KNL1: variants seen among roughly 807,000 people sequenced by gnomAD.
KNL1 encodes the protein outer kinetochore KNL1 complex subunit KNL1.
In KNL1, 66 loss-of-function variants were observed where a neutral mutation model predicts 201.3. That is an observed-to-expected ratio of 0.33 (90% CI 0.27 to 0.40). The LOEUF (loss-of-function observed/expected upper bound fraction) is 0.40, where lower values mean the gene tolerates loss of function less well. KNL1 is among the 10% of genes least tolerant of loss of function. The pLI, the probability that KNL1 is intolerant of heterozygous loss-of-function variation, is 1.00. For missense variants in KNL1, 2,815 were observed against 2,690.5 expected (o/e 1.05, Z -1.02); for synonymous variants, 895 against 899.2 (o/e 1.00, Z 0.08).
Position 40,624,870 on chromosome 15 carries a change from C to A in KNL1, c.4606C>A (p.His1536Asn). 6.2e-7 allele frequency: 1 copy of A among 1,612,574 alleles called. No individual in the cohort carries two copies. Residue 1536 changes from histidine to asparagine, a missense_variant, in exon 10 of 26, where the codon CAT becomes AAT. Transcript: ENST00000399668. The stretch of plus-strand genomic sequence containing the variant: ...CGTAACTAAGCAAGTCATTCAAACT[C>A]ATGTCAATGCTGGAGAAGCACCAGA... ...SDVTKQVIQT[H>N]VNAGEAPDPV...
chr15:40,620,003 T>A (rs1232598319), intron 9 of KNL1, among the ~76,000 whole-genome samples: 1 of 151,980 alleles, frequency 6.6e-6, no homozygotes, highest in Non-Finnish European at 1.5e-5. Context: ...GATCCTAGCC[T>A]ATGACAGCTC....
At chr15:40,603,068 G>A in intron 2 of KNL1, 102 bp downstream of exon 2, 3 of 744,768 alleles carry the variant, frequency 4.0e-6, no homozygotes, top group Non-Finnish European at 4.4e-6. Context: ...TTTTTCCATT[G>A]TGTTCCAAGA....
intron 21 of KNL1, among the ~76,000 whole-genome samples, chr15:40,654,573 TAA>T (rs10626725): frequency 7.0e-5 from 10 of 143,404 alleles, no homozygotes; most frequent in Non-Finnish European, 6.1e-5. Flanking sequence ...TCAGGTAGTT[TAA>T]AAAAAAAAAA....
chr15:40,610,796 C>T (rs1054318781), intron 6 of KNL1: 1 of 455,608 alleles, frequency 2.2e-6, no homozygotes, highest in Non-Finnish European at 4.4e-6. Flanking sequence ...TGTTGTTCCC[C>T]AGGCTGCAGT....
At chr15:40,655,929 A>G (rs1451518566) in intron 22 of KNL1, among the ~76,000 whole-genome samples, 1 of 152,062 alleles carries the variant, frequency 6.6e-6, no homozygotes, top group Non-Finnish European at 1.5e-5. Flanking sequence ...AAAAAAAAAA[A>G]AAATTATTAC....
At chr15:40,605,955 C>A (rs1352076867) in intron 3 of KNL1, among the ~76,000 whole-genome samples, 1 of 152,184 alleles carries the variant, frequency 6.6e-6, no homozygotes, top group East Asian at 1.9e-4. Flanking sequence ...ACATCTAGCT[C>A]TTTTACTTCC....
Position 40,620,658 on chromosome 15 carries a change from A to C in KNL1, c.394A>C (p.Thr132Pro), listed in dbSNP as rs767241348. ...ATTATAGTTTTCAATTATAGAACAT[A>C]CCCGTGAAAGGAAACATGCAAATGA... ...QQKEFSIIEH[T>P]RERKHANDQT... is the part of the protein sequence containing the mutation. The change falls in exon 10 of 26, where the codon ACC becomes CCC. Residue 132 changes from threonine (T) to proline (P), a missense_variant. This residue lies in a region of KNL1 where 2,464 missense variants were observed against 2,291.7 expected (regional missense o/e 1.08). Transcript: ENST00000399668. The C allele has an allele frequency of 6.3e-7, 1 of 1,582,816 alleles. No individual in the cohort carries two copies. The highest frequency in any genetic ancestry group is 8.6e-7 in the Non-Finnish European group (1 of 1,168,922).
intron 1 of KNL1, among the ~76,000 whole-genome samples, chr15:40,595,263 C>G (rs2141688873): frequency 6.6e-6 from 1 of 152,256 alleles, no homozygotes; most frequent in South Asian, 2.1e-4. Flanking sequence ...AGGGAAATAA[C>G]TAATATACAC....
chr15:40,603,055 A>G (rs948165395), intron 2 of KNL1, 89 bp downstream of exon 2: 7 of 819,128 alleles, frequency 8.5e-6, no homozygotes, highest in South Asian at 1.6e-5. Flanking sequence ...AACTTCTGAG[A>G]TCTTTTTCCA....
chr15:40,645,238 C>G, intron 15 of KNL1, 151 bp downstream of exon 15: 1 of 523,426 alleles, frequency 1.9e-6, no homozygotes. Flanking sequence ...TTTAATTACA[C>G]ACAATTGTTA....
chr15:40,626,956 G>C (rs1436423638), intron 10 of KNL1, among the ~76,000 whole-genome samples: 1 of 152,168 alleles, frequency 6.6e-6, no homozygotes. Context: ...GCACAGTGGC[G>C]TGATCTCAGC....
At chr15:40,612,922 A>C (rs1296852412) in intron 7 of KNL1, among the ~76,000 whole-genome samples, 2 of 152,208 alleles carry the variant, frequency 1.3e-5, no homozygotes, top group East Asian at 3.8e-4. Context: ...TATCGTTCAG[A>C]ATTTTAAATG....
intron 15 of KNL1, among the ~76,000 whole-genome samples, chr15:40,645,385 A>G (rs1364518059): frequency 6.6e-6 from 1 of 152,246 alleles, no homozygotes; most frequent in Non-Finnish European, 1.5e-5. Flanking sequence ...TTGATTAAAT[A>G]GCAAGCAACC....
At chr15:40,614,439 G>A (rs1288270522) in intron 7 of KNL1, among the ~76,000 whole-genome samples, 1 of 151,780 alleles carries the variant, frequency 6.6e-6, no homozygotes, top group Non-Finnish European at 1.5e-5. Flanking sequence ...CACCATGTCG[G>A]CCAAGCTAGT....
chr15:40,643,558 T>C (rs1306653616), intron 14 of KNL1, among the ~76,000 whole-genome samples: 1 of 152,158 alleles, frequency 6.6e-6, no homozygotes, highest in Admixed American at 6.5e-5. Flanking sequence ...GGCAAGAGAA[T>C]TGCTTGAACC....
At chr15:40,641,608 T>C (rs1893230797) in intron 14 of KNL1, among the ~76,000 whole-genome samples, 1 of 152,214 alleles carries the variant, frequency 6.6e-6, no homozygotes. Flanking sequence ...TTGTTTAAAA[T>C]ATTGTATAAA....
intron 17 of KNL1, among the ~76,000 whole-genome samples, chr15:40,649,366 G>T (rs942140752): frequency 1.3e-5 from 2 of 151,872 alleles, no homozygotes; most frequent in Non-Finnish European, 2.9e-5. Flanking sequence ...CATGATCTCT[G>T]CTCACTGCAA....
intron 22 of KNL1, among the ~76,000 whole-genome samples, chr15:40,655,587 T>A (rs1893700493): frequency 2.2e-5 from 1 of 46,212 alleles, no homozygotes; most frequent in Non-Finnish European, 4.6e-5. Context: ...CAAGGCTCCA[T>A]CTCAAAAAAA....
chr15:40,623,236 C>T lies in KNL1; in HGVS notation c.2972C>T (p.Thr991Ile). 6.2e-7 allele frequency: 1 copy of T among 1,613,946 alleles called. No homozygotes were observed. The highest frequency in any genetic ancestry group is 1.1e-5 in the South Asian group (1 of 91,076). ...KSLGTPTVIC[T>I]PTEESVFFPG... ...CTAGGAACACCAACAGTGATATGTA[C>T]TCCTACTGAGGAGAGTGTTTTCTTT... Residue 991 changes from threonine to isoleucine, a missense_variant, in exon 10 of 26, where the codon ACT (threonine) becomes ATT (isoleucine). Around this residue, in one of 3 missense-constraint regions of KNL1, gnomAD observed 2,464 missense variants for 2,291.7 expected, o/e 1.08. Coordinates refer to ENST00000399668, the MANE Select transcript of KNL1 (RefSeq NM_144508.5).
Sources: gnomAD v4.1 joint callset for allele counts (sites outside exome capture counted in the v4.1 genomes callset) on GRCh38, gnomAD v4.1.1 for gene constraint, gnomAD v4.1.1 regional missense constraint, MANE v1.5 for transcripts, NCBI Gene and HGNC (gene_info 2026-07-23, HGNC 2026-07-21) for gene names.